Variants in ARHGEF33 observed in about 807,000 individuals in gnomAD.
ARHGEF33 encodes Rho guanine nucleotide exchange factor 33.
ARHGEF33 carries 72 observed loss-of-function variants against 101.9 expected under a neutral mutation model. The observed-to-expected ratio is 0.71, with a 90% confidence interval of 0.58 to 0.86. The LOEUF is 0.86. Among genes scored for constraint, ARHGEF33 ranks in the 40% least tolerant of loss-of-function variants. ARHGEF33 has a pLI of 0.00. For missense variants in ARHGEF33, 1,169 were observed against 1,111.3 expected (o/e 1.05, Z -0.74); for synonymous variants, 499 against 442.5 (o/e 1.13, Z -1.60).
intron 3 of ARHGEF33, 148 bp from the exon 4 acceptor site, chr2:38,921,226 T>C: frequency 1.6e-6 from 1 of 613,630 alleles, no homozygotes; most frequent in Non-Finnish European, 3.0e-6. Context: ...CTACTTCAGC[T>C]CATTTTTTGT....
intron 4 of ARHGEF33, among the ~76,000 whole-genome samples, chr2:38,925,084 G>C (rs759804795): frequency 6.6e-6 from 1 of 151,876 alleles, no homozygotes; most frequent in Non-Finnish European, 1.5e-5. Context: ...GGAAAAAAGA[G>C]AGGTAGAATC....
At chr2:38,906,748 C>A (rs1046252343) in intron 2 of ARHGEF33, among the ~76,000 whole-genome samples, 2 of 147,298 alleles carry the variant, frequency 1.4e-5, no homozygotes, top group African/African-American at 5.1e-5. Flanking sequence ...GCAGGAGGAT[C>A]GCTCGAGCAC....
intron 7 of ARHGEF33, 65 bp downstream of exon 7, chr2:38,931,316 G>A: frequency 1.5e-6 from 2 of 1,366,402 alleles, no homozygotes; most frequent in Non-Finnish European, 2.0e-6. Flanking sequence ...AATTAAGAAT[G>A]GGCTTAAACC....
chr2:38,935,903 G>C, intron 8 of ARHGEF33, 69 bp downstream of exon 8: 1 of 1,251,220 alleles, frequency 8.0e-7, no homozygotes, highest in South Asian at 1.3e-5. Flanking sequence ...TATCTTCCCT[G>C]CTTCCACTTC....
rs372808341 is a variant in ARHGEF33, at chr2:38,911,735, G to A, written c.-85-7628G>A. Among the ~76,000 whole-genome samples, 5 of 152,280 alleles carry A rather than the reference G, an allele frequency of 3.3e-5. No homozygotes were observed. In the East Asian group the frequency reaches 5.8e-4, roughly 18 times the overall value. ...TTCAAAGGAAATCCTTCCCCGCCAG[G>A]CACTGTGGCTCACGCCTGTAATTCC... On this transcript the variant is annotated intron_variant, in intron 2 of 17. Coordinates refer to ENST00000409978, the MANE Select transcript of ARHGEF33 (RefSeq NM_001145451.5).
chr2:38,902,070 G>A (rs538159426), intron 2 of ARHGEF33, among the ~76,000 whole-genome samples: 5 of 150,498 alleles, frequency 3.3e-5, no homozygotes, highest in Non-Finnish European at 7.4e-5. Flanking sequence ...AGCCGAGATC[G>A]CGCCACTGCA....
chr2:38,943,790 G>A (rs62142755), intron 9 of ARHGEF33, 111 bp from the exon 10 acceptor site: 2 of 1,075,268 alleles, frequency 1.9e-6, no homozygotes, highest in African/African-American at 1.9e-5. Context: ...ACTTGCAGAT[G>A]GTTTTTTTTT....
At chr2:38,948,345 T>G (rs1007190588) in intron 10 of ARHGEF33, among the ~76,000 whole-genome samples, 1 of 152,248 alleles carries the variant, frequency 6.6e-6, no homozygotes, top group Admixed American at 6.5e-5. Flanking sequence ...GGTCATTGTT[T>G]TTCATGTAAC....
intron 2 of ARHGEF33, among the ~76,000 whole-genome samples, chr2:38,915,380 G>A (rs1487903314): frequency 8.2e-6 from 1 of 121,518 alleles, no homozygotes; most frequent in East Asian, 2.7e-4. Flanking sequence ...TTTTTTTATT[G>A]ACTTTTTTTT....
At chr2:38,894,423 GA>G (rs55794947) in intron 1 of ARHGEF33, among the ~76,000 whole-genome samples, 37 of 147,696 alleles carry the variant, frequency 2.5e-4, no homozygotes, top group Non-Finnish European at 3.7e-4. Context: ...TATGCTGGGG[GA>G]AAAAAAAAAA....
chr2:38,893,586 C>G (rs1394237175), intron 1 of ARHGEF33, among the ~76,000 whole-genome samples: 2 of 152,182 alleles, frequency 1.3e-5, no homozygotes, highest in African/African-American at 2.4e-5. Context: ...ATTTTAGGCA[C>G]TTTACACTTT....
At chr2:38,919,955 GTTA>G (rs890401228) in intron 3 of ARHGEF33, among the ~76,000 whole-genome samples, 11 of 152,166 alleles carry the variant, frequency 7.2e-5, no homozygotes, top group African/African-American at 2.7e-4. Flanking sequence ...CCTGATTCTT[GTTA>G]TTATACCAGG....
In ARHGEF33 at chr2:38,943,934, A is replaced by C. The variant is rs1030877051; in HGVS notation, c.824A>C (p.Glu275Ala). Reference protein sequence around the residue: ...KRQTVALELLESERKYVINIS... With the variant: ...KRQTVALELLASERKYVINIS... ...CAGACTGTGGCCCTGGAACTGCTTGAATCTGAAAGAAAATATGTCATTAAC... is the reference window on the plus strand; with the variant it reads ...CAGACTGTGGCCCTGGAACTGCTTGCATCTGAAAGAAAATATGTCATTAAC... The change falls in exon 10 of 18, where the codon GAA (glutamate) becomes GCA (alanine). Residue 275 changes from glutamate (E) to alanine (A), a missense_variant. Physicochemically the swap from Glu to Ala is moderately radical, Grantham distance 107. Coordinates refer to ENST00000409978, the MANE Select transcript of ARHGEF33 (RefSeq NM_001145451.5). 21 of 1,551,860 alleles carry C rather than the reference A, an allele frequency of 1.4e-5. No individual in the cohort carries two copies. Among genetic ancestry groups the C allele is most frequent in the Non-Finnish European group, 1.7e-5 (19 of 1,147,030 alleles).
At chr2:38,950,502 G>A (rs1186221784) in intron 10 of ARHGEF33, among the ~76,000 whole-genome samples, 1 of 151,964 alleles carries the variant, frequency 6.6e-6, no homozygotes, top group Non-Finnish European at 1.5e-5. Context: ...CCCAGGCTGG[G>A]GTGAAGTGGC....
rs1668046729 is a variant in ARHGEF33, at chr2:38,966,090, A to G, written c.2428A>G (p.Arg810Gly). 6.4e-7 allele frequency: 1 copy of G among 1,551,646 alleles called. No individual in the cohort carries two copies. The highest frequency in any genetic ancestry group is 2.0e-5 in the Admixed American group (1 of 50,986). The change falls in exon 17 of 18, where the codon AGG (arginine) becomes GGG (glycine). Residue 810 changes from arginine (R) to glycine (G), a missense_variant. Arg to Gly is a moderately radical substitution (Grantham distance 125). Coordinates refer to ENST00000409978, the MANE Select transcript of ARHGEF33 (RefSeq NM_001145451.5). ...EQTSFSDQNP[R>G]QDQKGGFRSS... ...AACATCTTTCAGCGATCAAAATCCC[A>G]GGCAAGACCAGAAGGGGGGCTTTCG...
intron 8 of ARHGEF33, chr2:38,937,040 G>A (rs1459217944): frequency 5.3e-6 from 1 of 189,074 alleles, no homozygotes; most frequent in East Asian, 1.4e-4. Flanking sequence ...TGTCACCCAG[G>A]CTGGAGTGCA....
Position 38,935,829 on chromosome 2 carries a change from G to T in ARHGEF33, c.560G>T (p.Gly187Val). 1 of 1,550,474 alleles carries T rather than the reference G, an allele frequency of 6.4e-7. No individual in the cohort carries two copies. Residue 187 changes from glycine (G) to valine (V), a missense_variant, in exon 8 of 18, where the codon GGT becomes GTT. Physicochemically the swap from Gly to Val is moderately radical, Grantham distance 109. Coordinates refer to ENST00000409978, the MANE Select transcript of ARHGEF33 (RefSeq NM_001145451.5). ...GACAGTAATGTAAAAGGAATGATGG[G>T]TCCTGGTAAGTGACTCTTCTCTTAG... ...VGDSNVKGMM[G>V]PGVNPTTPEA...
chr2:38,916,956 A>G lies in ARHGEF33; in HGVS notation c.-85-2407A>G, dbSNP rs573044439. 1.1e-4 allele frequency among the ~76,000 whole-genome samples: 16 copies of G among 151,650 alleles called. No homozygotes were observed. The East Asian group carries it at 2.9e-3, about 28-fold the overall frequency. On this transcript the variant is annotated intron_variant, in intron 2 of 17. Transcript: ENST00000409978. Reference sequence around the variant, plus strand: ...GCTGGGATTACAGGCATGCGCCACCACGCCCGATTAATTTTGTATTTTTAG... The same window carrying G: ...GCTGGGATTACAGGCATGCGCCACCGCGCCCGATTAATTTTGTATTTTTAG...
chr2:38,920,501 G>A (rs563981744), intron 3 of ARHGEF33, among the ~76,000 whole-genome samples: 5 of 142,808 alleles, frequency 3.5e-5, no homozygotes, highest in South Asian at 2.4e-4. Flanking sequence ...TCTGCCTCCC[G>A]GGTTCAAGCG....
Sources: allele counts gnomAD v4.1 joint callset (sites outside exome capture counted in the v4.1 genomes callset), GRCh38; gene constraint gnomAD v4.1.1; transcripts MANE v1.5; gene names NCBI Gene and HGNC (gene_info 2026-07-23, HGNC 2026-07-21).